The following CTNNA3 variants were observed in gnomAD, a reference collection of about 807,000 sequenced individuals.
CTNNA3 encodes the protein catenin alpha-3.
In CTNNA3, 76 loss-of-function variants were observed where a neutral mutation model predicts 95.7. That is an observed-to-expected ratio of 0.79 (90% CI 0.66 to 0.96). The LOEUF is 0.96. Among genes scored for constraint, CTNNA3 ranks in the 40% least tolerant of loss-of-function variants. The probability of loss-of-function intolerance (pLI) is 0.00; values close to 1 mark genes in which losing one functional copy is unlikely to be tolerated. For synonymous variants in CTNNA3, 431 were observed against 374.4 expected (o/e 1.15, Z -1.74); for missense variants, 1,191 against 1,089.8 (o/e 1.09, Z -1.31).
At chr10:66,037,729 T>C (rs2079596680) in intron 15 of CTNNA3, among the ~76,000 whole-genome samples, 1 of 152,180 alleles carries the variant, frequency 6.6e-6, no homozygotes, top group Non-Finnish European at 1.5e-5. Flanking sequence ...TGTTCATCCC[T>C]CATTTGAAAT....
chr10:66,790,353 G>A lies in CTNNA3; in HGVS notation c.1048-14829C>T, dbSNP rs549604173. Among the ~76,000 whole-genome samples the A allele has an allele frequency of 2.6e-5, 4 of 152,186 alleles. No individual in the cohort carries two copies. The South Asian group carries it at 8.3e-4, about 32-fold the overall frequency. On this transcript the variant is annotated intron_variant, in intron 7 of 17. Transcript: ENST00000433211. ...AATCCCAGCTACTCGGGAGACTGAG[G>A]AAGGAGAATCGCTTGAGGCAGAGGT...
chr10:67,719,642 T>G (rs1841166277), intron 1 of CTNNA3, among the ~76,000 whole-genome samples: 1 of 152,242 alleles, frequency 6.6e-6, no homozygotes, highest in African/African-American at 2.4e-5. Context: ...AGTTCTAATT[T>G]GATTGCACTG....
rs1033687229 is a variant in CTNNA3, at chr10:66,699,222, G to T, written c.1281+67042C>A. Among the ~76,000 whole-genome samples the T allele has an allele frequency of 2.0e-5, 3 of 151,988 alleles. No homozygotes were observed. The East Asian group carries it at 5.8e-4, about 29-fold the overall frequency. ...TCAAGGTGCTGATTTCATTTCCTCT[G>T]GATATATACCCAGAAAAGGGATTGT... On this transcript the variant is annotated intron_variant, in intron 9 of 17. Transcript: ENST00000433211.
At chr10:66,461,555 T>C (rs1458550966) in intron 11 of CTNNA3, among the ~76,000 whole-genome samples, 1 of 151,858 alleles carries the variant, frequency 6.6e-6, no homozygotes, top group East Asian at 1.9e-4. Flanking sequence ...AGTGCGTCAA[T>C]AAGACTCTTG....
intron 7 of CTNNA3, among the ~76,000 whole-genome samples, chr10:67,019,999 G>C (rs889740788): frequency 8.7e-5 from 6 of 69,216 alleles, no homozygotes; most frequent in Non-Finnish European, 1.6e-4. Context: ...CAACATAATT[G>C]TGTTAATACC....
intron 5 of CTNNA3, among the ~76,000 whole-genome samples, chr10:67,281,720 CTTGTA>C (rs1277508137): frequency 1.3e-5 from 2 of 152,062 alleles, no homozygotes; most frequent in Non-Finnish European, 2.9e-5. Flanking sequence ...GGGACAATCA[CTTGTA>C]TTATATTATT....
chr10:66,917,298 G>A (rs1326725959), intron 7 of CTNNA3, among the ~76,000 whole-genome samples: 1 of 152,206 alleles, frequency 6.6e-6, no homozygotes, highest in African/African-American at 2.4e-5. Context: ...GGGCTCTGCT[G>A]TTAGTTGCAA....
intron 3 of CTNNA3, among the ~76,000 whole-genome samples, chr10:67,554,321 T>C (rs1013677934): frequency 9.2e-5 from 14 of 152,244 alleles, no homozygotes; most frequent in African/African-American, 3.4e-4. Context: ...TCTACATCCT[T>C]GAGGAATTGC....
At chr10:66,904,105 T>C (rs1040310107) in intron 7 of CTNNA3, among the ~76,000 whole-genome samples, 4 of 152,024 alleles carry the variant, frequency 2.6e-5, no homozygotes, top group African/African-American at 7.2e-5. Flanking sequence ...GGTATCACAC[T>C]ACCTGACTTC....
intron 5 of CTNNA3, among the ~76,000 whole-genome samples, chr10:67,424,381 T>C (rs1388031255): frequency 6.6e-6 from 1 of 152,154 alleles, no homozygotes; most frequent in African/African-American, 2.4e-5. Context: ...GAGCTAAGGA[T>C]GTATGATCAT....
intron 7 of CTNNA3, among the ~76,000 whole-genome samples, chr10:66,910,579 G>C (rs993817845): frequency 5.9e-5 from 9 of 152,166 alleles, no homozygotes; most frequent in African/African-American, 2.2e-4. Flanking sequence ...CTGATTTTCA[G>C]TACAACTAAG....
At chr10:66,848,764 C>A (rs191051538) in intron 7 of CTNNA3, among the ~76,000 whole-genome samples, 165 of 152,268 alleles carry the variant, frequency 1.1e-3, no homozygotes, top group African/African-American at 3.4e-3. Flanking sequence ...ACACCTTGGA[C>A]ACCAAATAGA....
At chr10:66,178,399 GTATATATATATATATA>G (rs71035113) in intron 13 of CTNNA3, among the ~76,000 whole-genome samples, 2,755 of 91,144 alleles carry the variant, frequency 0.03, 50 homozygotes, top group Middle Eastern at 0.082. Context: ...CCTTGAAAGT[GTATATATATATATATA>G]TATATATATA....
chr10:66,746,447 A>C (rs940566399), intron 9 of CTNNA3, among the ~76,000 whole-genome samples: 1 of 152,246 alleles, frequency 6.6e-6, no homozygotes, highest in South Asian at 2.1e-4. Context: ...ACTGAGATAA[A>C]GCCTGTAACA....
intron 15 of CTNNA3, among the ~76,000 whole-genome samples, chr10:66,038,225 T>C (rs2079607206): frequency 6.6e-6 from 1 of 152,214 alleles, no homozygotes; most frequent in African/African-American, 2.4e-5. Context: ...TTAAGGTGAA[T>C]TCTGAGCCCA....
chr10:67,011,198 G>A (rs917151269), intron 7 of CTNNA3, among the ~76,000 whole-genome samples: 6 of 151,908 alleles, frequency 3.9e-5, no homozygotes, highest in African/African-American at 7.3e-5. Flanking sequence ...TAAATTAGCC[G>A]GGTGTGGTGG....
rs192602434 is a variant in CTNNA3 at position 67,514,722 on chromosome 10, T to G, written c.579+7120A>C. Among the ~76,000 whole-genome samples the G allele has an allele frequency of 2.8e-3, 407 of 147,658 alleles. 2 individuals carry two copies. The highest frequency in any genetic ancestry group is 9.5e-3 in the African/African-American group (386 of 40,730). On this transcript the variant is annotated intron_variant, in intron 5 of 17. Coordinates refer to ENST00000433211, the MANE Select transcript of CTNNA3 (RefSeq NM_013266.4). ...TGGGTTTTTGTTTTGTTTTTGTTGT[T>G]TTTTTTTTTTTTGCCATCTCTGGAA...
chr10:66,739,029 A>C (rs1429986873), intron 9 of CTNNA3, among the ~76,000 whole-genome samples: 1 of 152,138 alleles, frequency 6.6e-6, no homozygotes, highest in Non-Finnish European at 1.5e-5. Context: ...TACAAAATAA[A>C]TTTCAGTCAT....
At chr10:66,476,567 TTTG>T (rs1457933337) in intron 11 of CTNNA3, among the ~76,000 whole-genome samples, 2 of 152,128 alleles carry the variant, frequency 1.3e-5, no homozygotes, top group Admixed American at 1.3e-4. Context: ...AGTGTTTATT[TTTG>T]TTATGTATTT....
Sources: gnomAD v4.1 joint callset for allele counts (sites outside exome capture counted in the v4.1 genomes callset) on GRCh38, gnomAD v4.1.1 for gene constraint, MANE v1.5 for transcripts, NCBI Gene and HGNC (gene_info 2026-07-23, HGNC 2026-07-21) for gene names.